The following LSAMP variants were observed in gnomAD, a reference collection of about 807,000 sequenced individuals.
The protein encoded by LSAMP is limbic system-associated membrane protein.
Under a neutral mutation model 38.6 loss-of-function variants are expected in LSAMP, and 7 were observed. The ratio of observed to expected loss-of-function variants is 0.18; its 90% CI spans 0.10 to 0.34. The LOEUF (loss-of-function observed/expected upper bound fraction) is 0.34, where lower values mean the gene tolerates loss of function less well. LSAMP is among the 10% of genes least tolerant of loss of function. The pLI, the probability that LSAMP is intolerant of heterozygous loss-of-function variation, is 1.00. For synonymous variants in LSAMP, 154 were observed against 166.8 expected (o/e 0.92, Z 0.59); for missense variants, 313 against 420.0 (o/e 0.75, Z 2.23).
intron 3 of LSAMP, among the ~76,000 whole-genome samples, chr3:115,858,251 C>T (rs1316240935): frequency 6.6e-6 from 1 of 152,056 alleles, no homozygotes; most frequent in Non-Finnish European, 1.5e-5. Context: ...CATTTCCTCA[C>T]CCTCAAATAT....
chr3:116,418,627 G>A lies in LSAMP; in HGVS notation c.155+26250C>T, dbSNP rs534725078. On this transcript the variant is annotated intron_variant, in intron 1 of 6. Transcript: ENST00000490035. ...TTCCTCACCTTTAAACTATGCCATG[G>A]GACACAATTATATCAATGTGCATTA... is the stretch of plus-strand genomic sequence containing the variant. Among the ~76,000 whole-genome samples the A allele has an allele frequency of 2.0e-5, 3 of 151,986 alleles. No individual in the cohort carries two copies. The South Asian group carries it at 6.2e-4, about 32-fold the overall frequency.
At chr3:116,442,856 A>G (rs2033031058) in intron 1 of LSAMP, among the ~76,000 whole-genome samples, 1 of 152,212 alleles carries the variant, frequency 6.6e-6, no homozygotes, top group Admixed American at 6.5e-5. Flanking sequence ...CTATTGCGCC[A>G]TAGACATACA....
chr3:116,181,197 A>G (rs1281668535), intron 1 of LSAMP, among the ~76,000 whole-genome samples: 1 of 152,022 alleles, frequency 6.6e-6, no homozygotes, highest in Non-Finnish European at 1.5e-5. Context: ...TCAAATGACA[A>G]ATTTGAAAAA....
At chr3:115,880,189 C>A (rs1203390047) in intron 3 of LSAMP, among the ~76,000 whole-genome samples, 1 of 151,990 alleles carries the variant, frequency 6.6e-6, no homozygotes, top group Non-Finnish European at 1.5e-5. Flanking sequence ...CTGATTGATC[C>A]AAGAGAGAAA....
chr3:115,965,380 C>A (rs755461510), intron 3 of LSAMP, among the ~76,000 whole-genome samples: 16 of 151,544 alleles, frequency 1.1e-4, no homozygotes, highest in Non-Finnish European at 2.2e-4. Flanking sequence ...AATATCAATT[C>A]TAACTCATTG....
intron 1 of LSAMP, among the ~76,000 whole-genome samples, chr3:116,208,805 C>A (rs2046108057): frequency 6.6e-6 from 1 of 152,200 alleles, no homozygotes; most frequent in South Asian, 2.1e-4. Context: ...CTCTTCAGAG[C>A]TGTCAGACAG....
intron 6 of LSAMP, chr3:115,834,703 T>C (rs1381450613): frequency 4.7e-6 from 2 of 423,674 alleles, no homozygotes; most frequent in Non-Finnish European, 7.0e-6. Flanking sequence ...TGAATTTCCA[T>C]GCTTACAGGA....
chr3:116,068,618 A>G (rs1057003325), intron 2 of LSAMP, among the ~76,000 whole-genome samples: 3 of 152,206 alleles, frequency 2.0e-5, no homozygotes, highest in African/African-American at 7.2e-5. Flanking sequence ...CAATATCTAG[A>G]TAATTACAAA....
intron 1 of LSAMP, among the ~76,000 whole-genome samples, chr3:116,163,875 A>T (rs1709965160): frequency 6.6e-6 from 1 of 151,960 alleles, no homozygotes; most frequent in Non-Finnish European, 1.5e-5. Flanking sequence ...TTAAAAAAAC[A>T]CAAAAAAAAC....
At position 115,939,530 on chromosome 3, in the gene LSAMP, CTCTTTCTTTCTT is replaced by C. The variant is rs377683505; in HGVS notation, c.514+79973_514+79984del. Among the ~76,000 whole-genome samples the C allele has an allele frequency of 2.5e-3, 253 of 99,718 alleles. 1 individual carries two copies. The highest frequency in any genetic ancestry group is 8.1e-3 in the Admixed American group (69 of 8,470). The allele number at this position is 99,718 out of a possible 152,430, so 65.4% of individuals were successfully genotyped here. Reference sequence around the variant, plus strand: ...GGAGCTTTTTCTTTATGTTCTCTTTCTCTTTCTTTCTTTCTTTCTTTCTTTCTTTCTTTCTTT... The same window carrying C: ...GGAGCTTTTTCTTTATGTTCTCTTTCTCTTTCTTTCTTTCTTTCTTTCTTT... On this transcript the variant is annotated intron_variant, in intron 3 of 6. Coordinates refer to ENST00000490035, the MANE Select transcript of LSAMP (RefSeq NM_002338.5).
chr3:116,346,858 T>C (rs1407573022), intron 1 of LSAMP, among the ~76,000 whole-genome samples: 1 of 152,192 alleles, frequency 6.6e-6, no homozygotes, highest in Non-Finnish European at 1.5e-5. Flanking sequence ...ATCAAGAGTC[T>C]TCTCTCACTC....
chr3:116,193,535 G>GCAA (rs904402776), intron 1 of LSAMP, among the ~76,000 whole-genome samples: 22 of 152,156 alleles, frequency 1.4e-4, no homozygotes, highest in African/African-American at 5.1e-4. Flanking sequence ...TGTAAAAACA[G>GCAA]CAACAACAAC....
chr3:116,242,687 C>T (rs1240171501), intron 1 of LSAMP, among the ~76,000 whole-genome samples: 2 of 151,644 alleles, frequency 1.3e-5, no homozygotes, highest in Non-Finnish European at 2.9e-5. Context: ...TTTCTTTCCC[C>T]TGATAAATTT....
chr3:116,375,696 T>G (rs745929404), intron 1 of LSAMP, among the ~76,000 whole-genome samples: 9 of 151,946 alleles, frequency 5.9e-5, no homozygotes, highest in Non-Finnish European at 1.2e-4. Flanking sequence ...TGTATTAACA[T>G]TTACAGTTGA....
intron 1 of LSAMP, among the ~76,000 whole-genome samples, chr3:116,172,522 A>G (rs1454139911): frequency 2.6e-5 from 4 of 152,054 alleles, no homozygotes; most frequent in African/African-American, 9.7e-5. Context: ...GTGATAGAGC[A>G]TAAAAAATGC....
intron 2 of LSAMP, among the ~76,000 whole-genome samples, chr3:116,034,536 A>G (rs1336357757): frequency 2.6e-5 from 4 of 152,126 alleles, no homozygotes; most frequent in African/African-American, 7.2e-5. Flanking sequence ...CACAGTGCCT[A>G]GTTTGATATG....
chr3:116,210,642 T>C lies in LSAMP; in HGVS notation c.156-124086A>G, dbSNP rs76117877. Among the ~76,000 whole-genome samples, 318 of 152,308 alleles carry C rather than the reference T, an allele frequency of 2.1e-3. 1 individual carries two copies. The highest frequency in any genetic ancestry group is 7.2e-3 in the African/African-American group (300 of 41,558). Reference sequence around the variant, plus strand: ...CTTATTGTGGGACTTCACTTTGTGATTGTGTGAGCCAATTCTCCTAATAAA... The same window carrying C: ...CTTATTGTGGGACTTCACTTTGTGACTGTGTGAGCCAATTCTCCTAATAAA... On this transcript the variant is annotated intron_variant, in intron 1 of 6. Transcript: ENST00000490035.
At chr3:116,301,741 A>AACTT (rs2047411408) in intron 1 of LSAMP, among the ~76,000 whole-genome samples, 1 of 152,204 alleles carries the variant, frequency 6.6e-6, no homozygotes, top group Non-Finnish European at 1.5e-5. Context: ...TGAATAAAGA[A>AACTT]ACTTAGAATA....
At chr3:116,323,209 C>A (rs1654383019) in intron 1 of LSAMP, among the ~76,000 whole-genome samples, 1 of 152,130 alleles carries the variant, frequency 6.6e-6, no homozygotes, top group African/African-American at 2.4e-5. Flanking sequence ...GATGACTTAG[C>A]TACTTTCCAC....
Sources: gnomAD v4.1 joint callset for allele counts (sites outside exome capture counted in the v4.1 genomes callset) on GRCh38, gnomAD v4.1.1 for gene constraint, MANE v1.5 for transcripts, NCBI Gene and HGNC (gene_info 2026-07-23, HGNC 2026-07-21) for gene names.